The following CCDC60 variants were observed in gnomAD, a reference collection of about 807,000 sequenced individuals.
The protein encoded by CCDC60 is coiled-coil domain-containing protein 60.
A neutral mutation model predicts 63.5 loss-of-function variants in CCDC60; 54 were observed. The observed-to-expected ratio is 0.85, with a 90% confidence interval of 0.68 to 1.07. CCDC60 has a LOEUF of 1.07. Among genes scored for constraint, CCDC60 ranks in the 50% least tolerant of loss-of-function variants. The pLI is 0.00. For missense variants in CCDC60, 651 were observed against 684.3 expected (o/e 0.95, Z 0.54); for synonymous variants, 206 against 238.8 (o/e 0.86, Z 1.27).
At chr12:119,439,317 T>C (rs1566010222) in intron 2 of CCDC60, among the ~76,000 whole-genome samples, 2 of 151,992 alleles carry the variant, frequency 1.3e-5, no homozygotes, top group Admixed American at 1.3e-4. Flanking sequence ...GTGTGTGTTA[T>C]CCAAAGTAGA....
At chr12:119,350,154 A>G (rs192417465) in intron 1 of CCDC60, among the ~76,000 whole-genome samples, 231 of 151,394 alleles carry the variant, frequency 1.5e-3, no homozygotes, top group African/African-American at 4.8e-3. Context: ...GGAGATCCCC[A>G]GCTCTTCTTT....
intron 1 of CCDC60, among the ~76,000 whole-genome samples, chr12:119,357,269 C>T (rs1313119405): frequency 6.6e-6 from 1 of 152,192 alleles, no homozygotes; most frequent in Non-Finnish European, 1.5e-5. Flanking sequence ...TCACTTCAAG[C>T]TATTTTTAAA....
At chr12:119,538,670 T>C (rs986780770) in intron 13 of CCDC60, among the ~76,000 whole-genome samples, 1 of 152,222 alleles carries the variant, frequency 6.6e-6, no homozygotes, top group Non-Finnish European at 1.5e-5. Flanking sequence ...TTATCATCCA[T>C]CTTCTGAAGC....
intron 1 of CCDC60, among the ~76,000 whole-genome samples, chr12:119,405,437 G>T (rs1421729942): frequency 1.3e-5 from 2 of 152,092 alleles, no homozygotes; most frequent in South Asian, 2.1e-4. Flanking sequence ...ATATTACAAG[G>T]CTTGTTGTGC....
chr12:119,494,183 T>C (rs2136393191), intron 5 of CCDC60, among the ~76,000 whole-genome samples: 1 of 152,248 alleles, frequency 6.6e-6, no homozygotes, highest in East Asian at 1.9e-4. Context: ...TAGAAATGAG[T>C]AGACTTTTAC....
intron 4 of CCDC60, among the ~76,000 whole-genome samples, chr12:119,482,364 G>T (rs1593153603): frequency 1.3e-5 from 2 of 151,956 alleles, no homozygotes; most frequent in Middle Eastern, 6.8e-3. Flanking sequence ...CAGTGGATGT[G>T]GTTCATATTT....
At position 119,362,644 on chromosome 12, in the gene CCDC60, C is replaced by T. The variant is rs1343555413; in HGVS notation, c.90+27378C>T. ...AATAGTATTTTCTTGTATGAATATA[C>T]CATAATTTATTTCTTTACCCTCTCA... On this transcript the variant is annotated intron_variant, in intron 1 of 13. Coordinates refer to ENST00000327554, the MANE Select transcript of CCDC60 (RefSeq NM_178499.5). Among the ~76,000 whole-genome samples the T allele has an allele frequency of 2.0e-5, 3 of 152,092 alleles. No individual in the cohort carries two copies. The East Asian group carries it at 5.8e-4, about 29-fold the overall frequency.
intron 2 of CCDC60, among the ~76,000 whole-genome samples, chr12:119,460,705 A>G (rs1950840178): frequency 6.6e-6 from 1 of 152,144 alleles, no homozygotes; most frequent in Non-Finnish European, 1.5e-5. Flanking sequence ...GTGTTCATTC[A>G]ATTCATATCT....
chr12:119,415,871 A>G (rs11064789), intron 1 of CCDC60, among the ~76,000 whole-genome samples: 11,463 of 152,288 alleles, frequency 0.075, 557 homozygotes, highest in Middle Eastern at 0.16. Flanking sequence ...ACTGTGCCCA[A>G]TAAAACTGTA....
intron 1 of CCDC60, among the ~76,000 whole-genome samples, chr12:119,360,440 T>C (rs900496736): frequency 6.7e-6 from 1 of 148,644 alleles, no homozygotes; most frequent in Non-Finnish European, 1.5e-5. Flanking sequence ...GCGGAGACGC[T>C]CCTCACTTCC....
chr12:119,462,854 T>A (rs1950882583), intron 2 of CCDC60, among the ~76,000 whole-genome samples: 1 of 151,800 alleles, frequency 6.6e-6, no homozygotes, highest in Admixed American at 6.6e-5. Context: ...GACAGAGTCT[T>A]GCTCTCTCGC....
intron 2 of CCDC60, among the ~76,000 whole-genome samples, chr12:119,460,852 A>G (rs1256907232): frequency 6.6e-6 from 1 of 152,198 alleles, no homozygotes; most frequent in African/African-American, 2.4e-5. Context: ...TCTGCCACAG[A>G]TGGTGCTTTG....
chr12:119,364,378 C>T (rs1955820351), intron 1 of CCDC60, among the ~76,000 whole-genome samples: 1 of 152,166 alleles, frequency 6.6e-6, no homozygotes, highest in African/African-American at 2.4e-5. Context: ...AGTCAATCCC[C>T]TCCTCCTACC....
intron 7 of CCDC60, among the ~76,000 whole-genome samples, chr12:119,507,986 A>G (rs1349591954): frequency 6.6e-6 from 1 of 152,032 alleles, no homozygotes; most frequent in African/African-American, 2.4e-5. Flanking sequence ...TGGGCAAAAT[A>G]GTGAGACCCC....
intron 4 of CCDC60, among the ~76,000 whole-genome samples, chr12:119,482,116 A>G (rs1324505852): frequency 6.9e-6 from 1 of 145,934 alleles, no homozygotes; most frequent in Non-Finnish European, 1.5e-5. Flanking sequence ...ATACACACAT[A>G]TATATACATA....
chr12:119,378,022 C>A (rs1955971245), intron 1 of CCDC60, among the ~76,000 whole-genome samples: 1 of 152,180 alleles, frequency 6.6e-6, no homozygotes, highest in African/African-American at 2.4e-5. Context: ...ACTTCCAGCT[C>A]CATGGTGAAA....
At chr12:119,399,252 T>C (rs1241980486) in intron 1 of CCDC60, among the ~76,000 whole-genome samples, 1 of 152,182 alleles carries the variant, frequency 6.6e-6, no homozygotes, top group East Asian at 1.9e-4. Context: ...GGTCACCCTC[T>C]TAGTTCATGG....
At chr12:119,453,015 C>T (rs4767820) in intron 2 of CCDC60, among the ~76,000 whole-genome samples, 21,313 of 151,942 alleles carry the variant, frequency 0.14, 1,635 homozygotes, top group East Asian at 0.3. Flanking sequence ...TTAGTAGAGA[C>T]GGGGTTTCAC....
In CCDC60 at chr12:119,379,172, G is replaced by A. The variant is rs543130911; in HGVS notation, c.90+43906G>A. Among the ~76,000 whole-genome samples, 153 of 152,316 alleles carry A rather than the reference G, an allele frequency of 1.0e-3. 1 individual carries two copies. The highest frequency in any genetic ancestry group is 3.6e-3 in the African/African-American group (149 of 41,560). ...GGAAGCTAAAAATAGTTGTTGCTGC[G>A]GAAGGCCACAGATCATGAAACACAT... On this transcript the variant is annotated intron_variant, in intron 1 of 13. Coordinates refer to ENST00000327554, the MANE Select transcript of CCDC60 (RefSeq NM_178499.5).
Sources: allele counts gnomAD v4.1 joint callset (sites outside exome capture counted in the v4.1 genomes callset), GRCh38; gene constraint gnomAD v4.1.1; transcripts MANE v1.5; gene names NCBI Gene and HGNC (gene_info 2026-07-23, HGNC 2026-07-21).